KPNB1: variants seen among roughly 807,000 people sequenced by gnomAD.
KPNB1 encodes karyopherin subunit beta 1.
KPNB1 carries 7 observed loss-of-function variants against 113.0 expected under a neutral mutation model. That is an observed-to-expected ratio of 0.06 (90% confidence interval 0.04 to 0.12). The LOEUF is 0.12. Among genes scored for constraint, KPNB1 ranks in the 10% least tolerant of loss-of-function variants. KPNB1 has a pLI of 1.00. For synonymous variants in KPNB1, 363 were observed against 378.6 expected, an observed-to-expected ratio of 0.96 and a Z score of 0.48; for missense variants, 400 against 1,054.8, an observed-to-expected ratio of 0.38 and a Z score of 8.60.
rs2030726954 is a variant in KPNB1, at chr17:47,680,014, T to C, written c.2354-6T>C. The stretch of plus-strand genomic sequence containing the variant: ...ACCCGACCAATACCTTCTCTCTCTT[T>C]TATAGCGGATGTGATGCTGGTACAA... On this transcript the variant is annotated splice_region_variant and splice_polypyrimidine_tract_variant and intron_variant, in intron 19 of 21. Transcript: ENST00000290158. The C allele has an allele frequency of 6.3e-7, 1 of 1,598,356 alleles. No individual in the cohort carries two copies. Among genetic ancestry groups the C allele is most frequent in the East Asian group, 2.2e-5 (1 of 44,818 alleles).
In KPNB1 at chr17:47,683,914, CTT is replaced by C. The variant is rs1399517730; in HGVS notation, c.*1511_*1512del. ...TGTGGTATGATTACCATAAATCAGA[CTT>C]AATTATTTTCCCTTTTACAAGGGAA... On this transcript the variant is annotated 3_prime_UTR_variant, in exon 22 of 22. Coordinates refer to ENST00000290158, the MANE Select transcript of KPNB1 (RefSeq NM_002265.6). 6.6e-6 allele frequency: 1 copy of C among 152,158 alleles called. No individual in the cohort carries two copies. The highest frequency in any genetic ancestry group is 1.5e-5 in the Non-Finnish European group (1 of 68,024). 9.4% of individuals were successfully genotyped at this position (152,158 alleles called of 1,614,324 possible). A position where few individuals can be genotyped will look rare whatever the true frequency, so the allele number is the denominator to read the frequency against.
rs1915503385 is a variant in KPNB1 at position 47,650,403 on chromosome 17, G to T, written c.58G>T (p.Ala20Ser). ...CCCCCTAGATCGGCTGGAGCTGGAA[G>T]CGGCGCAGAAGTTCCTGGAGCGTGC... ...TVSPDRLELE[A>S]AQKFLERAAV... The change falls in exon 2 of 22, where the codon GCG becomes TCG. Residue 20 changes from alanine (A) to serine (S), a missense_variant. Physicochemically the swap from Ala to Ser is moderately conservative, Grantham distance 99. Transcript: ENST00000290158. 6.2e-7 allele frequency: 1 copy of T among 1,610,518 alleles called. No individual in the cohort carries two copies. Among genetic ancestry groups the T allele is most frequent in the African/African-American group, 1.3e-5 (1 of 74,872 alleles).
At position 47,650,093 on chromosome 17, in the gene KPNB1, G is replaced by A. The variant is rs1478295339; in HGVS notation, c.-152G>A. 111 of 1,402,664 alleles carry A rather than the reference G, an allele frequency of 7.9e-5. No individual in the cohort carries two copies. The highest frequency in any genetic ancestry group is 9.8e-5 in the Non-Finnish European group (106 of 1,083,202). 86.9% of individuals were successfully genotyped at this position (1,402,664 alleles called of 1,614,324 possible). A position where few individuals can be genotyped will look rare whatever the true frequency, so the allele number is the denominator to read the frequency against. ...GAAGGGGAGCCGGACCGACTACCCA[G>A]ACAGAGCCGGTGAATGGGTTTGTGG... On this transcript the variant is annotated 5_prime_UTR_variant, in exon 1 of 22. Coordinates refer to ENST00000290158, the MANE Select transcript of KPNB1 (RefSeq NM_002265.6).
Position 47,683,118 on chromosome 17 carries a change from A to AAAAAAAC in KPNB1, c.*715_*716insAAAAACA, listed in dbSNP as rs1555619992. On this transcript the variant is annotated 3_prime_UTR_variant, in exon 22 of 22. Coordinates refer to ENST00000290158, the MANE Select transcript of KPNB1 (RefSeq NM_002265.6). ...AAAAAAAAAAAAAAAAAAAAAAAAA[A>AAAAAAAC]ACACACACACAGAGGAAAGACGCTC... 3 of 143,210 alleles carry AAAAAAAC rather than the reference A, an allele frequency of 2.1e-5. No individual in the cohort carries two copies. Among genetic ancestry groups the AAAAAAAC allele is most frequent in the African/African-American group, 5.3e-5 (2 of 38,060 alleles). 8.9% of individuals were successfully genotyped at this position (143,210 alleles called of 1,614,324 possible).
intron 5 of KPNB1, among the ~76,000 whole-genome samples, chr17:47,659,475 G>A (rs938815867): frequency 1.3e-5 from 2 of 152,072 alleles, no homozygotes; most frequent in Non-Finnish European, 2.9e-5. Flanking sequence ...GTGGAGGCCG[G>A]GTGCTGGGGC....
chr17:47,682,767 GT>G lies in KPNB1; in HGVS notation c.*366del. 3.5e-6 allele frequency: 1 copy of G among 284,960 alleles called. No individual in the cohort carries two copies. Among genetic ancestry groups the G allele is most frequent in the South Asian group, 4.3e-5 (1 of 23,170 alleles). The allele number at this position is 284,960 out of a possible 1,614,324, so 17.7% of individuals were successfully genotyped here. Reference sequence around the variant, plus strand: ...TGGCCAGTGCCGAGTGGAATGCCTGGTTTGGGGGAGGAGGAGGGACTGGGTT... The same window carrying G: ...TGGCCAGTGCCGAGTGGAATGCCTGGTTGGGGGAGGAGGAGGGACTGGGTT... On this transcript the variant is annotated 3_prime_UTR_variant, in exon 22 of 22. Coordinates refer to ENST00000290158, the MANE Select transcript of KPNB1 (RefSeq NM_002265.6).
intron 13 of KPNB1, 44 bp downstream of exon 13, chr17:47,673,209 G>A: frequency 6.3e-7 from 1 of 1,583,714 alleles, no homozygotes; most frequent in South Asian, 1.1e-5. Flanking sequence ...GAATTGGGTA[G>A]TACTTTTGAC....
At chr17:47,662,412 C>G (rs1160183294) in intron 6 of KPNB1, among the ~76,000 whole-genome samples, 1 of 151,942 alleles carries the variant, frequency 6.6e-6, no homozygotes, top group Non-Finnish European at 1.5e-5. Flanking sequence ...TGGCGAAACT[C>G]CATGTCCACA....
In KPNB1 at chr17:47,682,646, C is replaced by T. The variant is rs2030818963; in HGVS notation, c.*242C>T. 1.9e-6 allele frequency: 1 copy of T among 523,138 alleles called. No individual in the cohort carries two copies. 32.4% of individuals were successfully genotyped at this position (523,138 alleles called of 1,614,324 possible). ...CGTAGAAAACCATAACATCGGCCAT[C>T]TTGGAAAAGAGAAAAACAATGGAGT... is the stretch of plus-strand genomic sequence containing the variant. On this transcript the variant is annotated 3_prime_UTR_variant, in exon 22 of 22. Coordinates refer to ENST00000290158, the MANE Select transcript of KPNB1 (RefSeq NM_002265.6).
chr17:47,675,399 T>TTTTTTG (rs2030587195), intron 15 of KPNB1, among the ~76,000 whole-genome samples: 1 of 139,544 alleles, frequency 7.2e-6, no homozygotes, highest in Non-Finnish European at 1.6e-5. Flanking sequence ...GTTTTTTTTT[T>TTTTTTG]GAGACTTGTT....
intron 21 of KPNB1, among the ~76,000 whole-genome samples, chr17:47,681,686 G>GTTTGT (rs1567896578): frequency 1.8e-4 from 17 of 96,034 alleles, no homozygotes; most frequent in Non-Finnish European, 2.8e-4. Flanking sequence ...GGAATTATAG[G>GTTTGT]TTTTTTTTTT....
rs139025086 is a variant in KPNB1 at position 47,677,961 on chromosome 17, G to A, written c.2104-85G>A. ...ACCATCCAAATATTTAAAATCAATA[G>A]TTGCTTGTTAGAAATGAAATTTTCA... On this transcript the variant is annotated intron_variant, in intron 17 of 21. Transcript: ENST00000290158. 460 of 1,344,002 alleles carry A rather than the reference G, an allele frequency of 3.4e-4. 2 individuals carry two copies. The African/African-American group carries it at 6.0e-3, about 17-fold the overall frequency. 83.3% of individuals were successfully genotyped at this position (1,344,002 alleles called of 1,614,324 possible). A position where few individuals can be genotyped will look rare whatever the true frequency, so the allele number is the denominator to read the frequency against.
intron 5 of KPNB1, among the ~76,000 whole-genome samples, chr17:47,659,125 G>C (rs1362466643): frequency 6.6e-6 from 1 of 152,048 alleles, no homozygotes; most frequent in Non-Finnish European, 1.5e-5. Flanking sequence ...GAGGCGGGTG[G>C]ATCATCAGGT....
Position 47,677,576 on chromosome 17 carries a change from T to C in KPNB1, c.2103+449T>C, listed in dbSNP as rs565997774. ...GGGAGTTGTTCATTTCACAGATGAC[T>C]CTGAAGAAAGATTGTAAAGTTAAAG... On this transcript the variant is annotated intron_variant, in intron 17 of 21. Transcript: ENST00000290158. Among the ~76,000 whole-genome samples, 26 of 152,018 alleles carry C rather than the reference T, an allele frequency of 1.7e-4. No individual in the cohort carries two copies. The South Asian group carries it at 1.9e-3, about 11-fold the overall frequency.
intron 9 of KPNB1, among the ~76,000 whole-genome samples, chr17:47,666,825 G>T (rs1239704295): frequency 2.6e-5 from 4 of 151,352 alleles, no homozygotes; most frequent in Non-Finnish European, 4.4e-5. Context: ...CACCATGTTG[G>T]CCAGGATGAT....
Position 47,682,603 on chromosome 17 carries a change from C to A in KPNB1, c.*199C>A. The A allele has an allele frequency of 1.7e-6, 1 of 597,294 alleles. No homozygotes were observed. Among genetic ancestry groups the A allele is most frequent in the South Asian group, 2.0e-5 (1 of 49,032 alleles). 37.0% of individuals were successfully genotyped at this position (597,294 alleles called of 1,614,324 possible). A position where few individuals can be genotyped will look rare whatever the true frequency, so the allele number is the denominator to read the frequency against. On this transcript the variant is annotated 3_prime_UTR_variant, in exon 22 of 22. Transcript: ENST00000290158. ...CGCCAACAGCAGCGCTGTTAGTGAGCTAAGTAAGCACTGACTTCGTAGAAA... is the reference window on the plus strand; with the variant it reads ...CGCCAACAGCAGCGCTGTTAGTGAGATAAGTAAGCACTGACTTCGTAGAAA...
chr17:47,667,891 C>T (rs2030339539), intron 9 of KPNB1, among the ~76,000 whole-genome samples: 1 of 152,150 alleles, frequency 6.6e-6, no homozygotes, highest in Non-Finnish European at 1.5e-5. Flanking sequence ...AATCATACAG[C>T]ATACATTCTA....
chr17:47,677,998 A>G, intron 17 of KPNB1, 48 bp from the exon 18 acceptor site: 1 of 1,575,372 alleles, frequency 6.3e-7, no homozygotes, highest in Non-Finnish European at 8.7e-7. Context: ...GAATCTTTGG[A>G]CCAAACAAGT....
chr17:47,661,274 A>C, intron 6 of KPNB1, 96 bp downstream of exon 6: 1 of 916,498 alleles, frequency 1.1e-6, no homozygotes, highest in South Asian at 1.3e-5. Flanking sequence ...AGTTGACTTC[A>C]GCAATAAGGT....
Sources: allele counts gnomAD v4.1 joint callset (sites outside exome capture counted in the v4.1 genomes callset), GRCh38; gene constraint gnomAD v4.1.1; transcripts MANE v1.5; gene names NCBI Gene and HGNC (gene_info 2026-07-23, HGNC 2026-07-21).